PFKM: variants seen among roughly 807,000 people sequenced by gnomAD.
PFKM encodes ATP-dependent 6-phosphofructokinase, muscle type.
A neutral mutation model predicts 95.5 loss-of-function variants in PFKM; 58 were observed. The observed-to-expected ratio is 0.61, with a 90% CI of 0.49 to 0.76. The LOEUF is 0.76. Among genes scored for constraint, PFKM ranks in the 30% least tolerant of loss-of-function variants. PFKM has a pLI of 0.00. For synonymous variants in PFKM, 336 were observed against 357.2 expected (o/e 0.94, Z 0.67); for missense variants, 678 against 1,005.4 (o/e 0.67, Z 4.40).
chr12:48,135,322 G>A lies in PFKM; in HGVS notation c.875G>A (p.Arg292Gln), dbSNP rs759795302. ...GTTAAGCGTCTGGGATATGACACCCGGGTTACTGTCTTGGGGCATGTGCAG... is the reference window on the plus strand; with the variant it reads ...GTTAAGCGTCTGGGATATGACACCCAGGTTACTGTCTTGGGGCATGTGCAG... ...LVVKRLGYDT[R>Q]VTVLGHVQRG... Residue 292 changes from arginine (R) to glutamine (Q), a missense_variant, in exon 10 of 23, where the codon CGG becomes CAG. Coordinates refer to ENST00000359794, the MANE Select transcript of PFKM (RefSeq NM_000289.6). 5 of 1,614,028 alleles carry A rather than the reference G, an allele frequency of 3.1e-6. No individual in the cohort carries two copies. The highest frequency in any genetic ancestry group is 1.7e-5 in the Admixed American group (1 of 60,010).
chr12:48,113,614 G>T (rs368310186), intron 3 of PFKM, among the ~76,000 whole-genome samples: 3 of 152,326 alleles, frequency 2.0e-5, no homozygotes, highest in East Asian at 3.9e-4. Flanking sequence ...TGGGGGAGGC[G>T]GTCCTGGAGG....
At chr12:48,105,513 T>C, upstream of PFKM, 1 of 519,022 alleles carries the variant, frequency 1.9e-6, no homozygotes, top group South Asian at 1.4e-5. Flanking sequence ...ATATCACATC[T>C]CAGGGAGATA....
chr12:48,128,703 G>C (rs774051860), intron 2 of PFKM, among the ~76,000 whole-genome samples: 4 of 152,124 alleles, frequency 2.6e-5, no homozygotes, highest in Non-Finnish European at 5.9e-5. Flanking sequence ...TCAAAAGTTT[G>C]TGATGGTTTT....
upstream of PFKM, among the ~76,000 whole-genome samples, chr12:48,117,912 G>A (rs867080205): frequency 3.3e-5 from 5 of 152,294 alleles, no homozygotes; most frequent in African/African-American, 1.2e-4. Flanking sequence ...AGCAGGGAGG[G>A]GGGAGCGGGG....
At chr12:48,108,403 G>A (rs891725722) in intron 3 of PFKM, among the ~76,000 whole-genome samples, 1 of 152,028 alleles carries the variant, frequency 6.6e-6, no homozygotes, top group African/African-American at 2.4e-5. Context: ...AAGGGAGAGA[G>A]GTGGGGATGG....
At chr12:48,126,103 G>T (rs1417255850) in intron 2 of PFKM, among the ~76,000 whole-genome samples, 1 of 152,032 alleles carries the variant, frequency 6.6e-6, no homozygotes, top group African/African-American at 2.4e-5. Flanking sequence ...AACCCCTCCT[G>T]ACTACACCCA....
chr12:48,139,575 A>C (rs190436908), intron 12 of PFKM: 1 of 618,028 alleles, frequency 1.6e-6, no homozygotes, highest in African/African-American at 1.8e-5. Context: ...TGTTATTTCT[A>C]TATGTGAGCC....
At chr12:48,124,950 T>G (rs114628590) in intron 2 of PFKM, among the ~76,000 whole-genome samples, 263 of 152,294 alleles carry the variant, frequency 1.7e-3, no homozygotes, top group African/African-American at 5.0e-3. Flanking sequence ...GTTTTGTTTT[T>G]TTTCCCTTAG....
At chr12:48,119,343 C>T (rs938642304), upstream of PFKM, 3 of 984,318 alleles carry the variant, frequency 3.0e-6, no homozygotes, top group Non-Finnish European at 3.6e-6. Flanking sequence ...GTCCATCACC[C>T]CTCCCCCCTT....
chr12:48,137,036 AAGCTACTGGGCCC>A, intron 10 of PFKM, among the ~76,000 whole-genome samples: 1 of 148,360 alleles, frequency 6.7e-6, no homozygotes, highest in South Asian at 2.1e-4. Flanking sequence ...TTACTGGCGT[AAGCTACTGGGCCC>A]AGCCTTTTTT....
Position 48,111,135 on chromosome 12 carries a change from C to G in PFKM, c.205+2941C>G, listed in dbSNP as rs1176934078. On this transcript the variant is annotated intron_variant, in intron 3 of 24. Coordinates refer to the PFKM transcript ENST00000340802. ...TATAAAGACTTCGATGATGGGCAAC[C>G]TGCCTAGGTAACTAGTGACTCTCAA... Among the ~76,000 whole-genome samples the G allele has an allele frequency of 2.6e-5, 4 of 152,234 alleles. 1 individual carries two copies. The highest frequency in any genetic ancestry group is 5.9e-5 in the Non-Finnish European group (4 of 68,036).
chr12:48,138,101 A>G (rs1252754456), intron 11 of PFKM, among the ~76,000 whole-genome samples: 3 of 152,218 alleles, frequency 2.0e-5, no homozygotes, highest in Non-Finnish European at 4.4e-5. Context: ...GAAACCCAGT[A>G]TCTCATAATA....
At chr12:48,138,380 G>A (rs1950284135) in intron 11 of PFKM, among the ~76,000 whole-genome samples, 1 of 152,142 alleles carries the variant, frequency 6.6e-6, no homozygotes. Flanking sequence ...CCTTTATTAT[G>A]AAGGAATCAC....
Position 48,133,186 on chromosome 12 carries a change from T to G in PFKM, c.427+129T>G, listed in dbSNP as rs55682541. On this transcript the variant is annotated intron_variant, in intron 5 of 22. Coordinates refer to ENST00000359794, the MANE Select transcript of PFKM (RefSeq NM_000289.6). ...ATGTTACCCAGACACAAATAGGCAG[T>G]CTTTGCCCTCCTTTTTCTGGTATTG... 0.076 allele frequency: 96,051 copies of G among 1,262,736 alleles called. 4,549 individuals carry two copies. The highest frequency in any genetic ancestry group is 0.095 in the Non-Finnish European group (81,923 of 862,924). The allele number at this position is 1,262,736 out of a possible 1,614,324, so 78.2% of individuals were successfully genotyped here.
chr12:48,126,102 T>A (rs1948808283), intron 2 of PFKM, among the ~76,000 whole-genome samples: 1 of 152,182 alleles, frequency 6.6e-6, no homozygotes, highest in Admixed American at 6.5e-5. Flanking sequence ...GAACCCCTCC[T>A]GACTACACCC....
chr12:48,108,654 C>T (rs1297913689), intron 3 of PFKM, among the ~76,000 whole-genome samples: 1 of 152,078 alleles, frequency 6.6e-6, no homozygotes, highest in East Asian at 1.9e-4. Context: ...TAATAGATTT[C>T]TCATGTATTT....
intron 12 of PFKM, 60 bp downstream of exon 12, chr12:48,139,409 G>T: frequency 7.6e-7 from 1 of 1,311,234 alleles, no homozygotes; most frequent in Admixed American, 1.7e-5. Context: ...CGAAGCCAAA[G>T]ATCTCCATGG....
At chr12:48,107,937 G>T in intron 2 of PFKM, 2 of 747,068 alleles carry the variant, frequency 2.7e-6, no homozygotes, top group Middle Eastern at 2.9e-4. Context: ...GGTACATCGC[G>T]TCTCTAATTT....
chr12:48,122,922 C>A, intron 2 of PFKM, 63 bp downstream of exon 2: 1 of 1,466,130 alleles, frequency 6.8e-7, no homozygotes, highest in African/African-American at 1.4e-5. Flanking sequence ...ACTCCCTTAG[C>A]CTATACAATA....
Sources: gnomAD v4.1 joint callset for allele counts (sites outside exome capture counted in the v4.1 genomes callset) on GRCh38, gnomAD v4.1.1 for gene constraint, MANE v1.5 for transcripts, NCBI Gene and HGNC (gene_info 2026-07-23, HGNC 2026-07-21) for gene names.